Variants in UHRF2 observed in about 807,000 individuals in gnomAD.
UHRF2 encodes the protein E3 ubiquitin-protein ligase UHRF2.
UHRF2 carries 23 observed loss-of-function variants against 96.8 expected under a neutral mutation model. That is an observed-to-expected ratio of 0.24 (90% CI 0.17 to 0.34). UHRF2 has a LOEUF of 0.34. Among genes scored for constraint, UHRF2 ranks in the 10% least tolerant of loss-of-function variants. The pLI is 1.00. For synonymous variants in UHRF2, 385 were observed against 332.6 expected, an observed-to-expected ratio of 1.16 and a Z score of -1.72; for missense variants, 685 against 981.5, an observed-to-expected ratio of 0.70 and a Z score of 4.04.
At chr9:6,416,832 C>T (rs945004176) in intron 1 of UHRF2, among the ~76,000 whole-genome samples, 4 of 152,148 alleles carry the variant, frequency 2.6e-5, no homozygotes, top group Admixed American at 6.5e-5. Context: ...CGGCCTAAAT[C>T]TTTTGAGAAT....
At chr9:6,489,189 A>G (rs531578868) in intron 9 of UHRF2, among the ~76,000 whole-genome samples, 1 of 152,248 alleles carries the variant, frequency 6.6e-6, no homozygotes, top group South Asian at 2.1e-4. Flanking sequence ...AACCTTTAGG[A>G]TTGGCTTTTT....
intron 6 of UHRF2, among the ~76,000 whole-genome samples, chr9:6,478,870 C>A (rs910019834): frequency 6.6e-6 from 1 of 152,210 alleles, no homozygotes; most frequent in Non-Finnish European, 1.5e-5. Context: ...CTCATATGAT[C>A]ACACTCTGAA....
chr9:6,482,615 G>C, intron 8 of UHRF2, among the ~76,000 whole-genome samples: 1 of 92,154 alleles, frequency 1.1e-5, no homozygotes, highest in Non-Finnish European at 2.2e-5. Context: ...TTTTTTTTTT[G>C]AGATGGAGTC....
chr9:6,466,580 A>G (rs958026826), intron 4 of UHRF2, among the ~76,000 whole-genome samples: 1 of 145,898 alleles, frequency 6.9e-6, no homozygotes, highest in Non-Finnish European at 1.5e-5. Context: ...AAAGCTACAG[A>G]TGCATTTTAG....
chr9:6,424,310 C>G (rs1414315483), intron 2 of UHRF2, among the ~76,000 whole-genome samples: 1 of 152,116 alleles, frequency 6.6e-6, no homozygotes, highest in African/African-American at 2.4e-5. Flanking sequence ...TTTGCAATAA[C>G]AAAAGGTAGA....
At chr9:6,436,145 A>T (rs566368834) in intron 3 of UHRF2, among the ~76,000 whole-genome samples, 1 of 152,336 alleles carries the variant, frequency 6.6e-6, no homozygotes, top group East Asian at 1.9e-4. Flanking sequence ...ACGAGTTAGA[A>T]ATCCTAGAAC....
At position 6,419,278 on chromosome 9, in the gene UHRF2, C is replaced by G. The variant is rs144100532; in HGVS notation, c.154-1634C>G. On this transcript the variant is annotated intron_variant, in intron 1 of 15. Coordinates refer to ENST00000276893, the MANE Select transcript of UHRF2 (RefSeq NM_152896.3). ...CTGTTTCCAAATAAGGTCACATTCT[C>G]AAGTACCATGGATTAGGATTTCAAC... Among the ~76,000 whole-genome samples the G allele has an allele frequency of 3.6e-3, 547 of 152,290 alleles. 4 individuals carry two copies. Among genetic ancestry groups the G allele is most frequent in the African/African-American group, 0.012 (516 of 41,560 alleles).
Position 6,413,613 on chromosome 9 carries a change from A to G in UHRF2, c.123A>G (p.Glu41=). 1 of 1,598,682 alleles carries G rather than the reference A, an allele frequency of 6.3e-7. No homozygotes were observed. The highest frequency in any genetic ancestry group is 1.1e-5 in the South Asian group (1 of 89,258). ...GGGCGCTGTTCGACGTGCGGCCCGA[A>G]TGCCAGCGCCTCTTCTACCGGGGCA... ...RVWALFDVRP[E]CQRLFYRGKQ... The change falls in exon 1 of 16, where the codon GAA becomes GAG. Residue 41 remains glutamate (E), a synonymous_variant. Coordinates refer to ENST00000276893, the MANE Select transcript of UHRF2 (RefSeq NM_152896.3).
intron 9 of UHRF2, among the ~76,000 whole-genome samples, chr9:6,491,756 G>A (rs1175951705): frequency 1.3e-5 from 2 of 152,194 alleles, no homozygotes; most frequent in East Asian, 3.8e-4. Flanking sequence ...TGTGTCCCTT[G>A]TGCAGATAGA....
At chr9:6,427,608 C>T (rs1056659996) in intron 2 of UHRF2, among the ~76,000 whole-genome samples, 1 of 152,064 alleles carries the variant, frequency 6.6e-6, no homozygotes, top group African/African-American at 2.4e-5. Flanking sequence ...TCACTTGAAC[C>T]CAGGAGGTGG....
intron 3 of UHRF2, among the ~76,000 whole-genome samples, chr9:6,447,596 G>T (rs112722427): frequency 3.3e-5 from 5 of 152,154 alleles, no homozygotes; most frequent in African/African-American, 1.2e-4. Flanking sequence ...TGAAACTAAA[G>T]GTAAATAAAG....
chr9:6,469,127 A>G (rs1373420780), intron 4 of UHRF2, among the ~76,000 whole-genome samples: 2 of 152,240 alleles, frequency 1.3e-5, no homozygotes, highest in African/African-American at 2.4e-5. Context: ...TGCTGAAAAC[A>G]TGGTGAATTT....
chr9:6,455,613 A>T (rs528026372), intron 3 of UHRF2, among the ~76,000 whole-genome samples: 1 of 152,274 alleles, frequency 6.6e-6, no homozygotes, highest in East Asian at 1.9e-4. Flanking sequence ...GAGGAGCAGC[A>T]GGTCTTAATT....
chr9:6,480,801 A>T (rs1332254681), intron 6 of UHRF2, among the ~76,000 whole-genome samples: 1 of 152,174 alleles, frequency 6.6e-6, no homozygotes, highest in Admixed American at 6.5e-5. Flanking sequence ...TTTGCTCAAG[A>T]TCAGGGACTG....
intron 1 of UHRF2, 72 bp from the exon 2 acceptor site, chr9:6,420,840 C>T: frequency 1.6e-6 from 2 of 1,266,790 alleles, no homozygotes; most frequent in South Asian, 1.2e-5. Flanking sequence ...TTGGCTAGGA[C>T]ATTTGAGCAA....
chr9:6,418,259 CTT>C (rs200084021), intron 1 of UHRF2, among the ~76,000 whole-genome samples: 3,796 of 124,770 alleles, frequency 0.03, 156 homozygotes, highest in African/African-American at 0.096. Context: ...GAGGATGTTC[CTT>C]TTTTTTTTTT....
At chr9:6,476,166 A>G (rs1222949630) in intron 5 of UHRF2, among the ~76,000 whole-genome samples, 2 of 152,204 alleles carry the variant, frequency 1.3e-5, no homozygotes, top group Non-Finnish European at 2.9e-5. Context: ...TCTTTCACTT[A>G]ACATAATGTT....
chr9:6,418,120 A>C (rs915290672), intron 1 of UHRF2, among the ~76,000 whole-genome samples: 2 of 152,028 alleles, frequency 1.3e-5, no homozygotes, highest in Admixed American at 6.6e-5. Context: ...GCTCCTCCAG[A>C]ATTAGTAAGG....
At chr9:6,491,961 GGGC>G (rs1375622694) in intron 9 of UHRF2, among the ~76,000 whole-genome samples, 1 of 152,140 alleles carries the variant, frequency 6.6e-6, no homozygotes, top group Non-Finnish European at 1.5e-5. Flanking sequence ...TTGAACTCCT[GGGC>G]TCAAGCAGGC....
Sources: gnomAD v4.1 joint callset for allele counts (sites outside exome capture counted in the v4.1 genomes callset) on GRCh38, gnomAD v4.1.1 for gene constraint, MANE v1.5 for transcripts, NCBI Gene and HGNC (gene_info 2026-07-23, HGNC 2026-07-21) for gene names.